Variants in GSAP observed in about 807,000 individuals in gnomAD.
GSAP encodes gamma-secretase activating protein, also known as gamma-secretase-activating protein.
Under a neutral mutation model 131.7 loss-of-function variants are expected in GSAP, and 118 were observed. The ratio of observed to expected loss-of-function variants is 0.90; its 90% CI spans 0.77 to 1.04. The LOEUF is 1.04. Among genes scored for constraint, GSAP ranks in the 50% least tolerant of loss-of-function variants. The pLI is 0.00. For synonymous variants in GSAP, 381 were observed against 363.4 expected (o/e 1.05, Z -0.55); for missense variants, 1,019 against 1,013.2 (o/e 1.01, Z -0.08).
At chr7:77,314,688 T>A in intron 26 of GSAP, 199 bp from the exon 27 acceptor site, 1 of 520,300 alleles carries the variant, frequency 1.9e-6, no homozygotes, top group East Asian at 3.7e-5. Flanking sequence ...ATAGTAAGTT[T>A]CCGGTAAGTA....
At chr7:77,392,536 A>T (rs1418976043) in intron 5 of GSAP, among the ~76,000 whole-genome samples, 1 of 152,182 alleles carries the variant, frequency 6.6e-6, no homozygotes, top group East Asian at 1.9e-4. Flanking sequence ...TGACAGAGCA[A>T]GGCACTGTCT....
intron 19 of GSAP, 82 bp downstream of exon 19, chr7:77,349,269 C>T (rs774221304): frequency 4.4e-6 from 5 of 1,133,664 alleles, no homozygotes; most frequent in Non-Finnish European, 6.7e-6. Flanking sequence ...ATTTGCAATC[C>T]CTTTTGGAAC....
At chr7:77,379,902 T>A (rs942230852) in intron 8 of GSAP, 44 of 978,792 alleles carry the variant, frequency 4.5e-5, no homozygotes, top group Admixed American at 6.1e-5. Context: ...CAATAGCTGA[T>A]ACACAATTGA....
chr7:77,343,305 C>T (rs897377857), intron 19 of GSAP, among the ~76,000 whole-genome samples: 3 of 152,196 alleles, frequency 2.0e-5, no homozygotes, highest in African/African-American at 7.2e-5. Flanking sequence ...TTTCTGCCCC[C>T]CTCCACTACC....
At chr7:77,312,041 T>A in intron 29 of GSAP, 60 bp downstream of exon 29, 2 of 1,230,642 alleles carry the variant, frequency 1.6e-6, no homozygotes, top group Non-Finnish European at 2.4e-6. Flanking sequence ...ACAGATATGT[T>A]GTCACGGGCA....
At chr7:77,413,451 C>G (rs1803667632) in intron 1 of GSAP, among the ~76,000 whole-genome samples, 1 of 152,184 alleles carries the variant, frequency 6.6e-6, no homozygotes, top group East Asian at 1.9e-4. Flanking sequence ...ACAAGCTGTT[C>G]TTTGAAAGGA....
At chr7:77,412,996 A>AG (rs1188271646) in intron 1 of GSAP, among the ~76,000 whole-genome samples, 1 of 152,184 alleles carries the variant, frequency 6.6e-6, no homozygotes, top group Non-Finnish European at 1.5e-5. Flanking sequence ...TGTGTGCACC[A>AG]GGTGGTTAGT....
At chr7:77,324,826 C>CTTTT (rs150930764) in intron 23 of GSAP, among the ~76,000 whole-genome samples, 56 of 97,292 alleles carry the variant, frequency 5.8e-4, no homozygotes, top group East Asian at 9.9e-4. Flanking sequence ...GTTTGCCATA[C>CTTTT]TTTTTTTTTT....
At chr7:77,377,460 C>T in intron 8 of GSAP, 70 bp from the exon 9 acceptor site, 1 of 1,415,080 alleles carries the variant, frequency 7.1e-7, no homozygotes, top group South Asian at 1.6e-5. Context: ...ATCTGGAATT[C>T]ATAATTATTT....
In GSAP at chr7:77,330,330, G is replaced by C. The variant is rs780377318; in HGVS notation, c.1583C>G (p.Ser528Cys). ...GGCGTACTTAACATATTCTAGGTTG[G>C]AGTTCAGTTTTTCCCAGTAGCCCTT... ...SFKGYWEKLN[S>C]NLEYVKYAKP... The change falls in exon 20 of 31, where the codon TCC (serine) becomes TGC (cysteine). Residue 528 changes from serine (S) to cysteine (C), a missense_variant. By Grantham distance (112) the Ser-to-Cys change is moderately radical. Transcript: ENST00000257626. 4 of 1,613,800 alleles carry C rather than the reference G, an allele frequency of 2.5e-6. No individual in the cohort carries two copies. In the South Asian group the frequency reaches 3.3e-5, roughly 13 times the overall value.
At chr7:77,406,167 A>C in intron 1 of GSAP, 62 bp from the exon 2 acceptor site, 1 of 979,514 alleles carries the variant, frequency 1.0e-6, no homozygotes, top group Non-Finnish European at 1.3e-6. Flanking sequence ...TCTAACCAAT[A>C]TATTAGTGAA....
At chr7:77,348,984 G>A (rs576493506) in intron 19 of GSAP, among the ~76,000 whole-genome samples, 1 of 152,284 alleles carries the variant, frequency 6.6e-6, no homozygotes, top group East Asian at 1.9e-4. Flanking sequence ...TCATTTTGAG[G>A]GAGTAATAGT....
At chr7:77,311,515 T>C in intron 30 of GSAP, 66 bp from the exon 31 acceptor site, 1 of 790,060 alleles carries the variant, frequency 1.3e-6, no homozygotes, top group Non-Finnish European at 2.2e-6. Flanking sequence ...ATTTATAACT[T>C]TGTGCTCACA....
At chr7:77,396,870 G>T in intron 5 of GSAP, 112 bp downstream of exon 5, 2 of 595,786 alleles carry the variant, frequency 3.4e-6, no homozygotes, top group Non-Finnish European at 5.6e-6. Flanking sequence ...TTTATTCTGA[G>T]ATACGATAAG....
chr7:77,364,098 C>T (rs1476155882), intron 12 of GSAP, among the ~76,000 whole-genome samples: 1 of 151,924 alleles, frequency 6.6e-6, no homozygotes, highest in Non-Finnish European at 1.5e-5. Flanking sequence ...AACAAGGTAC[C>T]ATAATTTTCC....
At chr7:77,389,289 GTATATA>G (rs746050086) in intron 5 of GSAP, among the ~76,000 whole-genome samples, 1 of 147,610 alleles carries the variant, frequency 6.8e-6, no homozygotes, top group Non-Finnish European at 1.5e-5. Flanking sequence ...ATGTGTGTGT[GTATATA>G]TATATATATT....
intron 14 of GSAP, among the ~76,000 whole-genome samples, chr7:77,360,144 C>T (rs1652649604): frequency 6.6e-6 from 1 of 152,190 alleles, no homozygotes; most frequent in South Asian, 2.1e-4. Flanking sequence ...GAATTACATG[C>T]TCTAAACCTG....
intron 19 of GSAP, among the ~76,000 whole-genome samples, chr7:77,339,232 GT>G (rs1790522069): frequency 6.6e-6 from 1 of 152,142 alleles, no homozygotes; most frequent in Non-Finnish European, 1.5e-5. Flanking sequence ...GAAGAAGTAG[GT>G]TAAAGGTGAA....
intron 15 of GSAP, 41 bp from the exon 16 acceptor site, chr7:77,355,471 A>C (rs769729392): frequency 7.2e-6 from 11 of 1,530,408 alleles, no homozygotes; most frequent in Non-Finnish European, 9.0e-6. Flanking sequence ...CAAATAGAAG[A>C]AACTCCTTTC....
Sources: gnomAD v4.1 joint callset for allele counts (sites outside exome capture counted in the v4.1 genomes callset) on GRCh38, gnomAD v4.1.1 for gene constraint, MANE v1.5 for transcripts, NCBI Gene and HGNC (gene_info 2026-07-23, HGNC 2026-07-21) for gene names.